Variants in SHISA9 observed in about 807,000 individuals in gnomAD.
The protein encoded by SHISA9 is shisa family member 9.
SHISA9 carries 13 observed loss-of-function variants against 38.0 expected under a neutral mutation model. That is an observed-to-expected ratio of 0.34 (90% CI 0.22 to 0.54). The LOEUF is 0.54. Among genes scored for constraint, SHISA9 ranks in the 20% least tolerant of loss-of-function variants. The pLI, the probability that SHISA9 is intolerant of heterozygous loss-of-function variation, is 0.91. For synonymous variants in SHISA9, 275 were observed against 242.0 expected, an observed-to-expected ratio of 1.14 and a Z score of -1.27; for missense variants, 538 against 575.8, an observed-to-expected ratio of 0.93 and a Z score of 0.67.
At chr16:13,472,670 G>T in the SHISA9 span, among the ~76,000 whole-genome samples, 1 of 151,824 alleles carries the variant, frequency 6.6e-6, no homozygotes, top group East Asian at 1.9e-4. Context: ...GGGATTACAG[G>T]CGTGAGCCAC....
At position 12,919,433 on chromosome 16, in the gene SHISA9, T is replaced by C. The variant is rs185689799; in HGVS notation, c.691+2618T>C. Among the ~76,000 whole-genome samples, 119 of 152,372 alleles carry C rather than the reference T, an allele frequency of 7.8e-4. No homozygotes were observed. In the Middle Eastern group the frequency reaches 0.01, roughly 13 times the overall value. On this transcript the variant is annotated intron_variant, in intron 2 of 4. Transcript: ENST00000558583. ...TTAGATTTGACTGAGGATTCACTAG[T>C]CTCAAGTTAAATGTCATTTTCATGT...
intron 2 of SHISA9, among the ~76,000 whole-genome samples, chr16:13,066,567 T>C (rs1015633866): frequency 1.3e-5 from 2 of 152,202 alleles, no homozygotes. Context: ...TGATTGATAA[T>C]GGGGTTAATG....
At chr16:13,203,084 T>C (rs1368180087) in intron 2 of SHISA9, 10 of 204,856 alleles carry the variant, frequency 4.9e-5, no homozygotes, top group Non-Finnish European at 8.8e-5. Context: ...ATTGGGCATC[T>C]TTTTATACAA....
intron 2 of SHISA9, among the ~76,000 whole-genome samples, chr16:13,200,330 A>G (rs928079146): frequency 1.3e-5 from 2 of 151,740 alleles, no homozygotes; most frequent in African/African-American, 4.8e-5. Flanking sequence ...TAACTGTCTT[A>G]GTTTGTGTTT....
At chr16:12,971,693 C>T (rs546019468) in intron 2 of SHISA9, among the ~76,000 whole-genome samples, 12 of 152,254 alleles carry the variant, frequency 7.9e-5, no homozygotes, top group African/African-American at 2.9e-4. Flanking sequence ...TTTATGACTG[C>T]CATTATTATG....
At chr16:13,440,201 T>C in the SHISA9 span, among the ~76,000 whole-genome samples, 5 of 152,226 alleles carry the variant, frequency 3.3e-5, no homozygotes, top group Admixed American at 3.3e-4. Flanking sequence ...AGGTTCATTC[T>C]GAATACTTGG....
chr16:13,301,705 G>A, the SHISA9 span, among the ~76,000 whole-genome samples: 65 of 152,282 alleles, frequency 4.3e-4, 1 homozygote, highest in East Asian at 8.7e-3. Flanking sequence ...TGAGGTATGT[G>A]GGTGTAATGA....
chr16:13,081,817 A>T (rs975265247), intron 2 of SHISA9, among the ~76,000 whole-genome samples: 2 of 148,900 alleles, frequency 1.3e-5, no homozygotes, highest in Admixed American at 6.8e-5. Flanking sequence ...GCGCCACTGC[A>T]CTCCAACCTG....
At chr16:13,533,944 C>A in the SHISA9 span, among the ~76,000 whole-genome samples, 1 of 151,988 alleles carries the variant, frequency 6.6e-6, no homozygotes, top group East Asian at 1.9e-4. Context: ...CCACTGCGCC[C>A]AGCTAATTTT....
At chr16:13,269,294 G>T in the SHISA9 span, among the ~76,000 whole-genome samples, 4 of 152,214 alleles carry the variant, frequency 2.6e-5, no homozygotes, top group South Asian at 2.1e-4. Context: ...CACCAGCTGT[G>T]TACATTGGAA....
At chr16:13,278,494 C>G in the SHISA9 span, among the ~76,000 whole-genome samples, 2 of 151,982 alleles carry the variant, frequency 1.3e-5, no homozygotes, top group African/African-American at 4.8e-5. Flanking sequence ...AGGATTGATA[C>G]GCATTCGTCT....
the SHISA9 span, among the ~76,000 whole-genome samples, chr16:13,314,512 T>A: frequency 6.6e-6 from 1 of 152,178 alleles, no homozygotes; most frequent in Non-Finnish European, 1.5e-5. Flanking sequence ...AGTGCTGGGA[T>A]TACAGTCATG....
rs1384756294 is a variant in SHISA9, at chr16:12,909,592, T to C, written c.563+6965T>C. ...TAAGCTCATTCCCATCTTGGAGCTG[T>C]TGCACTGGCCCTTGTGTGGCTGGTC... On this transcript the variant is annotated intron_variant, in intron 1 of 4. Coordinates refer to ENST00000558583, the MANE Select transcript of SHISA9 (RefSeq NM_001145204.3). 5 of 985,398 alleles carry C rather than the reference T, an allele frequency of 5.1e-6. 1 individual carries two copies. The highest frequency in any genetic ancestry group is 6.0e-6 in the Non-Finnish European group (5 of 829,922). 61.0% of individuals were successfully genotyped at this position (985,398 alleles called of 1,614,324 possible).
chr16:13,402,991 G>T, the SHISA9 span, among the ~76,000 whole-genome samples: 1 of 152,080 alleles, frequency 6.6e-6, no homozygotes, highest in East Asian at 1.9e-4. Context: ...GGTGGCGTGC[G>T]CCTGTAGTCC....
At chr16:13,112,934 G>C (rs914938891) in intron 2 of SHISA9, among the ~76,000 whole-genome samples, 1 of 151,996 alleles carries the variant, frequency 6.6e-6, no homozygotes, top group African/African-American at 2.4e-5. Context: ...TTGAGGCCAG[G>C]CGCAGTGACT....
At chr16:13,329,696 A>G in the SHISA9 span, among the ~76,000 whole-genome samples, 1 of 152,170 alleles carries the variant, frequency 6.6e-6, no homozygotes, top group Non-Finnish European at 1.5e-5. Context: ...AACCTGCTGG[A>G]TGAAAAGAAC....
At chr16:13,106,902 A>C (rs1329477130) in intron 2 of SHISA9, among the ~76,000 whole-genome samples, 1 of 151,964 alleles carries the variant, frequency 6.6e-6, no homozygotes, top group Non-Finnish European at 1.5e-5. Context: ...GAGAGTTCTG[A>C]TCATATTGTT....
At chr16:13,046,250 A>C (rs980782201) in intron 2 of SHISA9, among the ~76,000 whole-genome samples, 1 of 152,194 alleles carries the variant, frequency 6.6e-6, no homozygotes, top group Non-Finnish European at 1.5e-5. Flanking sequence ...GACCTTATTG[A>C]GGGAGGCTGT....
chr16:13,150,450 T>C (rs998322250), intron 2 of SHISA9, among the ~76,000 whole-genome samples: 2 of 152,150 alleles, frequency 1.3e-5, no homozygotes, highest in African/African-American at 4.8e-5. Context: ...TGTGGTAGAC[T>C]TGGCCCTATT....
Sources: allele counts gnomAD v4.1 joint callset (sites outside exome capture counted in the v4.1 genomes callset), GRCh38; gene constraint gnomAD v4.1.1; transcripts MANE v1.5; gene names NCBI Gene and HGNC (gene_info 2026-07-23, HGNC 2026-07-21).